ADGRA3: variants seen among roughly 807,000 people sequenced by gnomAD.
ADGRA3 encodes adhesion G protein-coupled receptor A3.
Under a neutral mutation model 119.8 loss-of-function variants are expected in ADGRA3, and 56 were observed. The observed-to-expected ratio is 0.47, with a 90% CI of 0.38 to 0.58. The LOEUF (loss-of-function observed/expected upper bound fraction) is 0.58. ADGRA3 is among the 20% of genes least tolerant of loss of function. ADGRA3 has a pLI of 0.00. For synonymous variants in ADGRA3, 607 were observed against 623.8 expected (o/e 0.97, Z 0.40); for missense variants, 1,516 against 1,649.0 (o/e 0.92, Z 1.40).
intron 2 of ADGRA3, among the ~76,000 whole-genome samples, chr4:22,471,632 T>C (rs1328325425): frequency 6.6e-6 from 1 of 152,122 alleles, no homozygotes; most frequent in African/African-American, 2.4e-5. Flanking sequence ...ACTTTGGATG[T>C]GCTGAGCTTA....
intron 1 of ADGRA3, among the ~76,000 whole-genome samples, chr4:22,493,914 A>G (rs6838873): frequency 6.6e-6 from 1 of 151,894 alleles, no homozygotes; most frequent in Admixed American, 6.6e-5. Flanking sequence ...ACAAGAGTAA[A>G]CTCTGGTGGG....
At chr4:22,407,161 C>A (rs549900633) in intron 14 of ADGRA3, among the ~76,000 whole-genome samples, 1 of 152,092 alleles carries the variant, frequency 6.6e-6, no homozygotes, top group Admixed American at 6.5e-5. Flanking sequence ...GTCCCAGCTA[C>A]GCAGGAGGCT....
chr4:22,444,433 C>G (rs1472060612), intron 6 of ADGRA3, among the ~76,000 whole-genome samples: 1 of 152,054 alleles, frequency 6.6e-6, no homozygotes, highest in Non-Finnish European at 1.5e-5. Context: ...TTACAGTCAC[C>G]TGCCACCATG....
intron 1 of ADGRA3, among the ~76,000 whole-genome samples, chr4:22,486,154 C>A (rs1380790475): frequency 6.6e-6 from 1 of 152,188 alleles, no homozygotes. Context: ...GTCTCTGGAG[C>A]AACTTTCTCA....
rs150418322 is a variant in ADGRA3 at position 22,444,155 on chromosome 4, A to G, written c.706+818T>C. On this transcript the variant is annotated intron_variant, in intron 6 of 18. Transcript: ENST00000334304. ...GCATTCACTGAATGGATATGTCACA[A>G]GTAATTAAACCAATCCCCTATTTTT... Among the ~76,000 whole-genome samples the G allele has an allele frequency of 3.8e-3, 572 of 152,326 alleles. 5 individuals carry two copies. The highest frequency in any genetic ancestry group is 0.013 in the African/African-American group (542 of 41,576).
intron 3 of ADGRA3, among the ~76,000 whole-genome samples, chr4:22,461,532 T>C (rs964242567): frequency 1.3e-5 from 2 of 152,162 alleles, no homozygotes; most frequent in Non-Finnish European, 1.5e-5. Context: ...ATTCCTGACC[T>C]CAGGTGATCC....
At chr4:22,432,962 T>C (rs1014290324) in intron 10 of ADGRA3, among the ~76,000 whole-genome samples, 26 of 152,240 alleles carry the variant, frequency 1.7e-4, no homozygotes, top group Non-Finnish European at 3.5e-4. Flanking sequence ...TTAGGATAAC[T>C]TGGCATAATT....
At position 22,400,555 on chromosome 4, in the gene ADGRA3, G is replaced by T. The variant is rs117479512; in HGVS notation, c.2481+876C>A. On this transcript the variant is annotated intron_variant, in intron 16 of 18. Coordinates refer to ENST00000334304, the MANE Select transcript of ADGRA3 (RefSeq NM_145290.4). ...AAGATTGGAGGAGAAGAAAAAAGGG[G>T]TCGTTGTTCAATGCATACCGAGTTT... Among the ~76,000 whole-genome samples the T allele has an allele frequency of 9.2e-4, 140 of 152,202 alleles. No individual in the cohort carries two copies. In the East Asian group the frequency reaches 0.024, roughly 26 times the overall value.
chr4:22,422,147 C>T (rs1021979064), intron 11 of ADGRA3, among the ~76,000 whole-genome samples: 4 of 151,952 alleles, frequency 2.6e-5, no homozygotes, highest in Non-Finnish European at 5.9e-5. Flanking sequence ...CAGGATTTAC[C>T]GTAAATTCTA....
At chr4:22,450,486 G>A (rs764326544) in intron 4 of ADGRA3, among the ~76,000 whole-genome samples, 62 of 152,094 alleles carry the variant, frequency 4.1e-4, no homozygotes, top group Admixed American at 9.2e-4. Context: ...GGCTGGTCTC[G>A]AACTCCTGAC....
intron 16 of ADGRA3, 133 bp downstream of exon 16, chr4:22,401,298 G>A (rs528975138): frequency 1.3e-6 from 1 of 748,528 alleles, no homozygotes; most frequent in African/African-American, 1.8e-5. Context: ...GATTGTTTAA[G>A]TGACAGACAA....
intron 1 of ADGRA3, among the ~76,000 whole-genome samples, chr4:22,497,085 C>T (rs891686371): frequency 6.6e-6 from 1 of 152,126 alleles, no homozygotes; most frequent in Non-Finnish European, 1.5e-5. Flanking sequence ...AACAAGCCTG[C>T]CCACTTAGAG....
At chr4:22,411,623 G>T (rs1715204882) in intron 14 of ADGRA3, among the ~76,000 whole-genome samples, 1 of 151,984 alleles carries the variant, frequency 6.6e-6, no homozygotes, top group Non-Finnish European at 1.5e-5. Flanking sequence ...ATAAATATAA[G>T]TTGACTACAC....
chr4:22,415,791 A>C (rs1333627144), intron 12 of ADGRA3, among the ~76,000 whole-genome samples: 1 of 152,154 alleles, frequency 6.6e-6, no homozygotes, highest in Non-Finnish European at 1.5e-5. Context: ...ACTTTCTAGA[A>C]GTTAGAAAAG....
chr4:22,426,719 C>G (rs909439316), intron 10 of ADGRA3, among the ~76,000 whole-genome samples: 3 of 152,126 alleles, frequency 2.0e-5, no homozygotes, highest in Non-Finnish European at 2.9e-5. Context: ...TTTTAATGAA[C>G]TAACACATTC....
chr4:22,511,895 CTTTTTT>C (rs5856700), intron 1 of ADGRA3, among the ~76,000 whole-genome samples: 7 of 102,614 alleles, frequency 6.8e-5, no homozygotes, highest in Non-Finnish European at 1.2e-4. Context: ...TTCTTTCTTT[CTTTTTT>C]TTTTTTTTTT....
In ADGRA3 at chr4:22,418,399, G is replaced by A. The variant is rs934819272; in HGVS notation, c.1809+2487C>T. Among the ~76,000 whole-genome samples the A allele has an allele frequency of 2.6e-5, 4 of 152,288 alleles. No homozygotes were observed. The South Asian group carries it at 8.3e-4, about 32-fold the overall frequency. On this transcript the variant is annotated intron_variant, in intron 12 of 18. Coordinates refer to ENST00000334304, the MANE Select transcript of ADGRA3 (RefSeq NM_145290.4). ...GAGACAAGGGTGGGAGTGGAGAACT[G>A]AATGAGATTAGGCAAAATTTCTTGG...
chr4:22,488,370 AG>A (rs1391667223), intron 1 of ADGRA3, among the ~76,000 whole-genome samples: 1 of 147,418 alleles, frequency 6.8e-6, no homozygotes, highest in Non-Finnish European at 1.5e-5. Flanking sequence ...AAAAAAAAAA[AG>A]TCAAAGCCTT....
rs950314405 is a variant in ADGRA3, at chr4:22,413,094, A to C, written c.2232+88T>G. ...TAAAAGTAAAAAAAAAAAAAAAACA[A>C]AAAACAAAAAAACACTTCATTTGAG... On this transcript the variant is annotated intron_variant, in intron 14 of 18. Transcript: ENST00000334304. The C allele has an allele frequency of 5.6e-6, 6 of 1,062,458 alleles. 1 individual carries two copies. Among genetic ancestry groups the C allele is most frequent in the Non-Finnish European group, 8.4e-6 (6 of 716,322 alleles). 65.8% of individuals were successfully genotyped at this position (1,062,458 alleles called of 1,614,324 possible). A position where few individuals can be genotyped will look rare whatever the true frequency, so the allele number is the denominator to read the frequency against.
Sources: gnomAD v4.1 joint callset for allele counts (sites outside exome capture counted in the v4.1 genomes callset) on GRCh38, gnomAD v4.1.1 for gene constraint, MANE v1.5 for transcripts, NCBI Gene and HGNC (gene_info 2026-07-23, HGNC 2026-07-21) for gene names.